PIBF1: variants seen among roughly 807,000 people sequenced by gnomAD.
PIBF1 encodes progesterone immunomodulatory binding factor 1.
Under a neutral mutation model 112.5 loss-of-function variants are expected in PIBF1, and 90 were observed. That is an observed-to-expected ratio of 0.80 (90% CI 0.67 to 0.95). The LOEUF is 0.95. PIBF1 is among the 40% of genes least tolerant of loss of function. The pLI, the probability that PIBF1 is intolerant of heterozygous loss-of-function variation, is 0.00. For missense variants in PIBF1, 915 were observed against 852.3 expected (o/e 1.07, Z -0.92); for synonymous variants, 301 against 288.6 (o/e 1.04, Z -0.44).
At chr13:72,917,485 CT>C (rs145646917) in intron 13 of PIBF1, among the ~76,000 whole-genome samples, 129 of 146,048 alleles carry the variant, frequency 8.8e-4, no homozygotes, top group Admixed American at 1.4e-3. Context: ...ATTCATTGTG[CT>C]TTTTTTTTTT....
chr13:72,912,390 A>G (rs1418209608), intron 12 of PIBF1, among the ~76,000 whole-genome samples: 1 of 152,208 alleles, frequency 6.6e-6, no homozygotes, highest in Non-Finnish European at 1.5e-5. Flanking sequence ...TTCACAAAGG[A>G]AGACATGTGA....
intron 10 of PIBF1, among the ~76,000 whole-genome samples, chr13:72,882,959 A>AT (rs1329600604): frequency 6.6e-6 from 1 of 152,170 alleles, no homozygotes; most frequent in Admixed American, 6.5e-5. Context: ...GCTGGATCAT[A>AT]TGGTAGCTCT....
At chr13:72,791,333 T>G (rs919720385) in intron 2 of PIBF1, among the ~76,000 whole-genome samples, 1 of 151,462 alleles carries the variant, frequency 6.6e-6, no homozygotes, top group Admixed American at 6.6e-5. Flanking sequence ...GGATTACAGG[T>G]GTGAATCACC....
intron 10 of PIBF1, among the ~76,000 whole-genome samples, chr13:72,869,654 T>C (rs2039079269): frequency 6.6e-6 from 1 of 151,574 alleles, no homozygotes; most frequent in Admixed American, 6.6e-5. Flanking sequence ...AAATAAAAAA[T>C]AAAGCATTCC....
chr13:73,006,171 G>A (rs2044028854), intron 17 of PIBF1, among the ~76,000 whole-genome samples: 1 of 151,862 alleles, frequency 6.6e-6, no homozygotes, highest in African/African-American at 2.4e-5. Context: ...TGCCCACCTC[G>A]GCCTCCCAAA....
At chr13:72,865,160 G>A (rs907189477) in intron 10 of PIBF1, among the ~76,000 whole-genome samples, 2 of 152,094 alleles carry the variant, frequency 1.3e-5, no homozygotes, top group African/African-American at 4.8e-5. Flanking sequence ...AGATACTTTA[G>A]AGAAGAGAAT....
chr13:73,007,629 G>A (rs577217162), intron 17 of PIBF1, among the ~76,000 whole-genome samples: 3 of 152,182 alleles, frequency 2.0e-5, no homozygotes, highest in African/African-American at 7.2e-5. Context: ...GACCAACATG[G>A]AGAAACCCCA....
At chr13:72,880,228 A>G (rs2039570606) in intron 10 of PIBF1, among the ~76,000 whole-genome samples, 1 of 152,220 alleles carries the variant, frequency 6.6e-6, no homozygotes, top group South Asian at 2.1e-4. Flanking sequence ...AAGATGTTAC[A>G]TTCCACTGAA....
rs745790644 is a variant in PIBF1 at position 72,792,528 on chromosome 13, T to C, written c.334T>C (p.Phe112Leu). 1 of 1,548,952 alleles carries C rather than the reference T, an allele frequency of 6.5e-7. No individual in the cohort carries two copies. Reference protein sequence around the residue: ...LTLRLDNQLAFQQKDASKYQE... With the variant: ...LTLRLDNQLALQQKDASKYQE... ...ATTGAGATTAGACAACCAATTGGCT[T>C]TTCAACAGAAAGATGCCAGGTAAGA... Residue 112 changes from phenylalanine (F) to leucine (L), a missense_variant, in exon 3 of 18, where the codon TTT becomes CTT. Phe to Leu is a conservative substitution (Grantham distance 22). Coordinates refer to ENST00000326291, the MANE Select transcript of PIBF1 (RefSeq NM_006346.4).
chr13:72,826,952 T>C, intron 6 of PIBF1, 58 bp from the exon 7 acceptor site: 1 of 942,542 alleles, frequency 1.1e-6, no homozygotes, highest in Non-Finnish European at 1.6e-6. Flanking sequence ...CCTTTTAAAG[T>C]GTACGCTGTA....
intron 13 of PIBF1, among the ~76,000 whole-genome samples, chr13:72,918,183 C>T (rs890269112): frequency 2.4e-4 from 36 of 152,102 alleles, no homozygotes; most frequent in African/African-American, 8.0e-4. Context: ...GACTTCCACG[C>T]GCCTCTATAA....
At chr13:72,944,605 T>C (rs756981463) in intron 14 of PIBF1, among the ~76,000 whole-genome samples, 25 of 152,172 alleles carry the variant, frequency 1.6e-4, no homozygotes, top group Non-Finnish European at 3.5e-4. Context: ...AGGAGAAAAG[T>C]GAAAAGCTGC....
At chr13:72,954,040 G>A (rs2042374503) in intron 14 of PIBF1, among the ~76,000 whole-genome samples, 1 of 152,148 alleles carries the variant, frequency 6.6e-6, no homozygotes, top group Non-Finnish European at 1.5e-5. Context: ...GGGGATCAGA[G>A]AACAGCTTTC....
intron 9 of PIBF1, among the ~76,000 whole-genome samples, chr13:72,848,611 C>T (rs912799848): frequency 2.6e-5 from 4 of 151,952 alleles, no homozygotes; most frequent in African/African-American, 9.7e-5. Context: ...TTTGGGAGGC[C>T]GAGGCGGGCG....
rs188103504 is a variant in PIBF1 at position 72,799,908 on chromosome 13, G to T, written c.672+1882G>T. On this transcript the variant is annotated intron_variant, in intron 5 of 17. Coordinates refer to ENST00000326291, the MANE Select transcript of PIBF1 (RefSeq NM_006346.4). ...CTCAGCATGATTTCTCTTGAACACA[G>T]ATTCCTCAGGCCATTCTTAGAGTTT... Among the ~76,000 whole-genome samples, 143 of 152,248 alleles carry T rather than the reference G, an allele frequency of 9.4e-4. 1 individual carries two copies. Among genetic ancestry groups the T allele is most frequent in the Non-Finnish European group, 1.6e-3 (108 of 68,018 alleles).
Position 72,869,304 on chromosome 13 carries a change from A to T in PIBF1, c.1322+15149A>T, listed in dbSNP as rs539399733. Among the ~76,000 whole-genome samples the T allele has an allele frequency of 3.3e-5, 5 of 152,264 alleles. No homozygotes were observed. In the South Asian group the frequency reaches 1.0e-3, roughly 32 times the overall value. On this transcript the variant is annotated intron_variant, in intron 10 of 17. Transcript: ENST00000326291. The stretch of plus-strand genomic sequence containing the variant: ...TGCAGCCATAAAAAATGATGAGTTC[A>T]TGTCCTTTGTAGGGACATGGATGAA...
At chr13:72,868,596 A>G (rs1198450222) in intron 10 of PIBF1, among the ~76,000 whole-genome samples, 1 of 152,172 alleles carries the variant, frequency 6.6e-6, no homozygotes, top group African/African-American at 2.4e-5. Context: ...ATGTTTTGCC[A>G]TTGGTTAAGC....
At chr13:72,967,361 A>G (rs772476988) in intron 15 of PIBF1, among the ~76,000 whole-genome samples, 1 of 152,224 alleles carries the variant, frequency 6.6e-6, no homozygotes, top group Non-Finnish European at 1.5e-5. Context: ...TTGATTATTT[A>G]TTTTACTAAG....
intron 12 of PIBF1, among the ~76,000 whole-genome samples, chr13:72,915,375 G>T (rs2041051028): frequency 6.6e-6 from 1 of 152,120 alleles, no homozygotes; most frequent in Non-Finnish European, 1.5e-5. Flanking sequence ...CTCTTTAATA[G>T]CATTGTTCAG....
Sources: gnomAD v4.1 joint callset for allele counts (sites outside exome capture counted in the v4.1 genomes callset) on GRCh38, gnomAD v4.1.1 for gene constraint, MANE v1.5 for transcripts, NCBI Gene and HGNC (gene_info 2026-07-23, HGNC 2026-07-21) for gene names.